Variants in ZBP1 observed in about 807,000 individuals in gnomAD.
ZBP1 encodes Z-DNA binding protein 1.
ZBP1 carries 42 observed loss-of-function variants against 41.1 expected under a neutral mutation model. The observed-to-expected ratio is 1.02, with a 90% CI of 0.80 to 1.32. The LOEUF is 1.32. Among genes scored for constraint, ZBP1 ranks in the 40% most tolerant of loss-of-function variants. The pLI, the probability that ZBP1 is intolerant of heterozygous loss-of-function variation, is 0.00. For missense variants in ZBP1, 562 were observed against 549.7 expected, an observed-to-expected ratio of 1.02 and a Z score of -0.22; for synonymous variants, 214 against 205.2, an observed-to-expected ratio of 1.04 and a Z score of -0.37.
intron 7 of ZBP1, among the ~76,000 whole-genome samples, chr20:57,609,236 C>T (rs556540298): frequency 2.8e-4 from 43 of 152,218 alleles, no homozygotes; most frequent in Non-Finnish European, 5.1e-4. Flanking sequence ...TCTCCAGCTG[C>T]CCCCACCCGA....
chr20:57,616,378 T>C lies in ZBP1; in HGVS notation c.125A>G (p.Lys42Arg). The change falls in exon 2 of 8, where the codon AAG becomes AGG. Residue 42 changes from lysine (K) to arginine (R), a missense_variant. Transcript: ENST00000371173. ...AQLVKECQAP[K>R]RELNQVLYRM... ...GTAGAGGACTTGGTTGAGCTCCCTC[T>C]TGGGTGCTTGGCATTCCTTCACCAG... 6.2e-7 allele frequency: 1 copy of C among 1,614,182 alleles called. No individual in the cohort carries two copies. Among genetic ancestry groups the C allele is most frequent in the Non-Finnish European group, 8.5e-7 (1 of 1,180,024 alleles).
At chr20:57,614,294 G>C (rs2146584262) in intron 4 of ZBP1, among the ~76,000 whole-genome samples, 1 of 152,276 alleles carries the variant, frequency 6.6e-6, no homozygotes, top group East Asian at 1.9e-4. Flanking sequence ...GCCTCCCAAA[G>C]TGCTAGGATT....
intron 4 of ZBP1, among the ~76,000 whole-genome samples, chr20:57,614,653 A>G (rs1167828593): frequency 6.6e-6 from 1 of 152,194 alleles, no homozygotes; most frequent in Non-Finnish European, 1.5e-5. Context: ...CCTCCGTCCC[A>G]TTCACTGGCC....
In ZBP1 at chr20:57,610,810, C is replaced by A; in HGVS notation, c.875-443G>T. 1 of 235,554 alleles carries A rather than the reference C, an allele frequency of 4.2e-6. No homozygotes were observed. The highest frequency in any genetic ancestry group is 8.5e-6 in the Non-Finnish European group (1 of 117,696). 14.6% of individuals were successfully genotyped at this position (235,554 alleles called of 1,614,324 possible). ...TCTGAAGAATCATCCACACTGAGTCCCGCCCCCTCCACCCCCGAGACCTCT... is the reference window on the plus strand; with the variant it reads ...TCTGAAGAATCATCCACACTGAGTCACGCCCCCTCCACCCCCGAGACCTCT... On this transcript the variant is annotated intron_variant, in intron 6 of 7. Coordinates refer to ENST00000371173, the MANE Select transcript of ZBP1 (RefSeq NM_030776.3). This position sits in a 1 kb window ranked among gnomAD's most constrained non-coding sequence, Gnocchi z 5.5.
intron 2 of ZBP1, 170 bp downstream of exon 2, chr20:57,616,074 C>G: frequency 1.5e-6 from 1 of 680,782 alleles, no homozygotes; most frequent in Non-Finnish European, 2.5e-6. Context: ...TACCAAGCAG[C>G]CCTGCTGTGA....
At chr20:57,619,465 AC>A (rs558184497) in intron 1 of ZBP1, among the ~76,000 whole-genome samples, 119 of 152,336 alleles carry the variant, frequency 7.8e-4, no homozygotes, top group African/African-American at 2.6e-3. Context: ...CTTAGTGGAG[AC>A]CCTAGAGAAC....
At position 57,606,929 on chromosome 20, in the gene ZBP1, G is replaced by A. The variant is rs538166325; in HGVS notation, c.1094-2160C>T. 38 of 1,130,976 alleles carry A rather than the reference G, an allele frequency of 3.4e-5. No individual in the cohort carries two copies. In the East Asian group the frequency reaches 6.8e-4, roughly 20 times the overall value. 70.1% of individuals were successfully genotyped at this position (1,130,976 alleles called of 1,614,324 possible). A position where few individuals can be genotyped will look rare whatever the true frequency, so the allele number is the denominator to read the frequency against. ...AAAAAAAATTTTTTTTTTACTACTC[G>A]TTGACAATGCACCTGTTCATCCACG... On this transcript the variant is annotated intron_variant, in intron 7 of 7. Coordinates refer to ENST00000371173, the MANE Select transcript of ZBP1 (RefSeq NM_030776.3).
At chr20:57,618,550 C>G (rs911300524) in intron 1 of ZBP1, among the ~76,000 whole-genome samples, 1 of 152,198 alleles carries the variant, frequency 6.6e-6, no homozygotes, top group Middle Eastern at 3.2e-3. Flanking sequence ...CACCTGACTT[C>G]ACACCTGGCT....
At chr20:57,615,403 G>C in intron 3 of ZBP1, 109 bp downstream of exon 3, 1 of 1,214,174 alleles carries the variant, frequency 8.2e-7, no homozygotes, top group Non-Finnish European at 1.2e-6. Flanking sequence ...TGGTGGGTGG[G>C]ACAGGGCCCC....
intron 7 of ZBP1, chr20:57,607,205 A>G: frequency 2.3e-6 from 3 of 1,304,060 alleles, no homozygotes; most frequent in Non-Finnish European, 3.0e-6. Flanking sequence ...TCATGGGAGG[A>G]GGTCAAACTA....
chr20:57,612,699 G>A (rs902392935), intron 5 of ZBP1, among the ~76,000 whole-genome samples: 4 of 152,186 alleles, frequency 2.6e-5, no homozygotes, highest in African/African-American at 9.7e-5. Context: ...CACAGGTGGT[G>A]AGATGCACCC....
chr20:57,606,911 A>AT (rs1014022515), intron 7 of ZBP1: 1,605 of 963,222 alleles, frequency 1.7e-3, no homozygotes, highest in East Asian at 1.9e-3. Flanking sequence ...CCAAAAAAAA[A>AT]TTTTTTTTTT....
intron 7 of ZBP1, among the ~76,000 whole-genome samples, chr20:57,606,098 T>C (rs550844653): frequency 4.6e-5 from 7 of 152,302 alleles, no homozygotes; most frequent in Admixed American, 3.9e-4. Context: ...AGGTCAAAAG[T>C]TAGCCAAATT....
rs865806785 is a variant in ZBP1, at chr20:57,616,798, G to A, written c.35-330C>T. ...TCAGGTGTCCTCAGGGCAGAGGGGA[G>A]TAGAGGGCAGAAGGACGGAGCCAGA... On this transcript the variant is annotated intron_variant, in intron 1 of 7. Transcript: ENST00000371173. 12 of 357,862 alleles carry A rather than the reference G, an allele frequency of 3.4e-5. 1 individual carries two copies. Among genetic ancestry groups the A allele is most frequent in the African/African-American group, 2.3e-4 (11 of 48,044 alleles). The allele number at this position is 357,862 out of a possible 1,614,324, so 22.2% of individuals were successfully genotyped here. A position where few individuals can be genotyped will look rare whatever the true frequency, so the allele number is the denominator to read the frequency against.
At position 57,611,773 on chromosome 20, in the gene ZBP1, G is replaced by C; in HGVS notation, c.828C>G (p.Gly276=). 6.2e-7 allele frequency: 1 copy of C among 1,612,538 alleles called. No individual in the cohort carries two copies. Residue 276 remains glycine (G), a synonymous_variant, in exon 6 of 8, where the codon GGC becomes GGG. Coordinates refer to ENST00000371173, the MANE Select transcript of ZBP1 (RefSeq NM_030776.3). ...TGTGGGCAGGGCCCTCGGACGGGAC[G>C]CCGTGGAGCCTCATCTCATTGCTGT... ...LGHSNEMRLH[G]VPSEGPAHIP...
chr20:57,616,639 C>T (rs539864618), intron 1 of ZBP1, 171 bp from the exon 2 acceptor site: 25 of 653,880 alleles, frequency 3.8e-5, no homozygotes, highest in Admixed American at 8.6e-5. Context: ...AGGGCAGCTG[C>T]ATCTGCCCAG....
intron 1 of ZBP1, chr20:57,616,803 G>A (rs974953446): frequency 4.4e-5 from 15 of 338,330 alleles, no homozygotes; most frequent in Non-Finnish European, 7.9e-5. Context: ...GGGGAGTAGA[G>A]GGCAGAAGGA....
intron 7 of ZBP1, among the ~76,000 whole-genome samples, chr20:57,605,821 C>T (rs182273789): frequency 1.3e-5 from 2 of 152,228 alleles, no homozygotes; most frequent in African/African-American, 2.4e-5. Flanking sequence ...GTAATCACAG[C>T]GACCCAGGAG....
chr20:57,614,936 G>T lies in ZBP1; in HGVS notation c.453C>A (p.His151Gln). Residue 151 changes from histidine (H) to glutamine (Q), a missense_variant, in exon 4 of 8, where the codon CAC becomes CAA. By Grantham distance (24) the His-to-Gln change is conservative. Transcript: ENST00000371173. ...TGGACTGCTCATCCATGTCCAGAAG[G>T]TGCCTGCTCTTCATCCTGTACAAGT... ...NRDLYRMKSRHLLDMDEQSKA... is the reference protein window; with the variant it reads ...NRDLYRMKSRQLLDMDEQSKA... 6.2e-7 allele frequency: 1 copy of T among 1,614,230 alleles called. No homozygotes were observed. The highest frequency in any genetic ancestry group is 8.5e-7 in the Non-Finnish European group (1 of 1,180,048).
Sources: gnomAD v4.1 joint callset for allele counts (sites outside exome capture counted in the v4.1 genomes callset) on GRCh38, gnomAD v4.1.1 for gene constraint, Gnocchi (gnomAD v3.1) non-coding constraint, MANE v1.5 for transcripts, NCBI Gene and HGNC (gene_info 2026-07-23, HGNC 2026-07-21) for gene names.